ESRRG: variants seen among roughly 807,000 people sequenced by gnomAD.
ESRRG encodes estrogen related receptor gamma, also known as estrogen-related receptor gamma.
ESRRG carries 13 observed loss-of-function variants against 44.0 expected under a neutral mutation model. The observed-to-expected ratio is 0.30, with a 90% CI of 0.19 to 0.47. The LOEUF (loss-of-function observed/expected upper bound fraction) is 0.47. ESRRG is among the 20% of genes least tolerant of loss of function. The probability of loss-of-function intolerance (pLI) is 1.00; values close to 1 mark genes in which losing one functional copy is unlikely to be tolerated. For missense variants in ESRRG, 395 were observed against 580.6 expected (o/e 0.68, Z 3.29); for synonymous variants, 215 against 214.6 (o/e 1.00, Z -0.02).
chr1:216,571,162 A>G (rs1241102046), intron 3 of ESRRG, among the ~76,000 whole-genome samples: 1 of 152,188 alleles, frequency 6.6e-6, no homozygotes, highest in Non-Finnish European at 1.5e-5. Flanking sequence ...AAAAATATGC[A>G]TGATCAATTG....
At chr1:216,993,991 C>T (rs1481104420) in intron 1 of ESRRG, among the ~76,000 whole-genome samples, 1 of 152,062 alleles carries the variant, frequency 6.6e-6, no homozygotes, top group Non-Finnish European at 1.5e-5. Flanking sequence ...GTTTTAATTG[C>T]TCTAATAAAA....
chr1:216,918,964 T>C (rs1578144239), intron 2 of ESRRG, among the ~76,000 whole-genome samples: 1 of 151,598 alleles, frequency 6.6e-6, no homozygotes, highest in Admixed American at 6.6e-5. Context: ...CACACACTTA[T>C]GAATATCAAA....
At chr1:217,022,243 G>T (rs577947210) in intron 1 of ESRRG, among the ~76,000 whole-genome samples, 3 of 152,306 alleles carry the variant, frequency 2.0e-5, no homozygotes, top group Non-Finnish European at 1.5e-5. Context: ...TTGCTGCAAA[G>T]CATCCCAGCT....
chr1:216,973,124 G>A (rs746306293), intron 1 of ESRRG, among the ~76,000 whole-genome samples: 9 of 152,144 alleles, frequency 5.9e-5, no homozygotes, highest in South Asian at 2.1e-4. Context: ...GCCCCTTGTC[G>A]GTCTATTTTC....
intron 2 of ESRRG, among the ~76,000 whole-genome samples, chr1:216,842,335 C>T (rs918263590): frequency 1.3e-5 from 2 of 152,096 alleles, no homozygotes; most frequent in Non-Finnish European, 2.9e-5. Flanking sequence ...AGGTCCGATG[C>T]AGGTCCGTAG....
chr1:216,609,121 ATAC>A (rs1292974802), intron 3 of ESRRG, among the ~76,000 whole-genome samples: 1 of 152,236 alleles, frequency 6.6e-6, no homozygotes, highest in Non-Finnish European at 1.5e-5. Flanking sequence ...TTAGATGTTC[ATAC>A]CAGCTGTGCT....
intron 1 of ESRRG, among the ~76,000 whole-genome samples, chr1:217,031,882 C>T (rs1429267471): frequency 1.3e-5 from 2 of 152,156 alleles, no homozygotes; most frequent in African/African-American, 4.8e-5. Flanking sequence ...CTGAAGCCCC[C>T]CAAGCCCTGT....
At chr1:216,830,959 C>A (rs2095477872) in intron 2 of ESRRG, among the ~76,000 whole-genome samples, 1 of 151,758 alleles carries the variant, frequency 6.6e-6, no homozygotes, top group Non-Finnish European at 1.5e-5. Context: ...CCTCCTACAA[C>A]TGAACTATGA....
chr1:216,677,981 A>G (rs1046915894), intron 1 of ESRRG, among the ~76,000 whole-genome samples: 1 of 152,170 alleles, frequency 6.6e-6, no homozygotes, highest in African/African-American at 2.4e-5. Flanking sequence ...TTTTATTATG[A>G]GCAGAATAAA....
intron 3 of ESRRG, among the ~76,000 whole-genome samples, chr1:216,609,987 T>C (rs1463235593): frequency 6.6e-6 from 1 of 152,192 alleles, no homozygotes; most frequent in African/African-American, 2.4e-5. Flanking sequence ...TCAAGAGTGA[T>C]CAGTCTCCAC....
chr1:216,866,561 C>G (rs1296927672), intron 2 of ESRRG, among the ~76,000 whole-genome samples: 2 of 115,688 alleles, frequency 1.7e-5, no homozygotes, highest in African/African-American at 4.9e-5. Context: ...TTGTTTCTTT[C>G]TTTCTTTTTT....
intron 1 of ESRRG, among the ~76,000 whole-genome samples, chr1:216,979,025 G>A (rs190848089): frequency 6.6e-6 from 1 of 152,080 alleles, no homozygotes; most frequent in Non-Finnish European, 1.5e-5. Flanking sequence ...GAGAGGAGAA[G>A]TTTGCTCCAT....
At chr1:217,001,149 T>G (rs141017039) in intron 1 of ESRRG, among the ~76,000 whole-genome samples, 96 of 152,342 alleles carry the variant, frequency 6.3e-4, no homozygotes, top group South Asian at 1.4e-3. Context: ...TTTCTTCCTT[T>G]AAGTAATATC....
At chr1:216,929,390 C>G (rs1019997991) in intron 2 of ESRRG, among the ~76,000 whole-genome samples, 3 of 152,004 alleles carry the variant, frequency 2.0e-5, no homozygotes, top group Admixed American at 1.3e-4. Flanking sequence ...GAAAAGGGGC[C>G]ATCAAAAAGG....
Position 216,503,797 on chromosome 1 carries a change from C to T in ESRRG, c.*3142G>A, listed in dbSNP as rs2040745482. The stretch of plus-strand genomic sequence containing the variant: ...TCTGATTGAAACACAAGTGTAACTA[C>T]AAGGAGTCACACAATCATATTGCTT... On this transcript the variant is annotated 3_prime_UTR_variant, in exon 7 of 7. Coordinates refer to ENST00000408911, the MANE Select transcript of ESRRG (RefSeq NM_001438.4). The T allele has an allele frequency of 6.6e-6, 1 of 152,420 alleles. No homozygotes were observed. Among genetic ancestry groups the T allele is most frequent in the Non-Finnish European group, 1.5e-5 (1 of 67,964 alleles). 9.4% of individuals were successfully genotyped at this position (152,420 alleles called of 1,614,324 possible).
intron 1 of ESRRG, among the ~76,000 whole-genome samples, chr1:216,948,482 A>G (rs111955400): frequency 3.4e-5 from 5 of 146,632 alleles, no homozygotes; most frequent in Non-Finnish European, 7.7e-5. Context: ...ATCTCAAAAA[A>G]AAAAAAAAAA....
intron 6 of ESRRG, 44 bp from the exon 7 acceptor site, chr1:216,507,227 GC>G (rs1177135857): frequency 1.4e-6 from 2 of 1,379,782 alleles, no homozygotes; most frequent in Admixed American, 2.2e-5. Flanking sequence ...AATAATAATA[GC>G]AAACCTATGT....
At chr1:216,792,078 T>C (rs1390495452) in intron 2 of ESRRG, among the ~76,000 whole-genome samples, 1 of 152,186 alleles carries the variant, frequency 6.6e-6, no homozygotes, top group Non-Finnish European at 1.5e-5. Flanking sequence ...GTATATCTTA[T>C]AAATAACATA....
At chr1:216,703,129 T>C (rs2081749532) in intron 1 of ESRRG, among the ~76,000 whole-genome samples, 5 of 152,304 alleles carry the variant, frequency 3.3e-5, no homozygotes, top group South Asian at 4.1e-4. Context: ...AAGATATCTA[T>C]AGAAGTTCCC....
Sources: allele counts gnomAD v4.1 joint callset (sites outside exome capture counted in the v4.1 genomes callset), GRCh38; gene constraint gnomAD v4.1.1; transcripts MANE v1.5; gene names NCBI Gene and HGNC (gene_info 2026-07-23, HGNC 2026-07-21).